The following WWOX variants were observed in gnomAD, a reference collection of about 807,000 sequenced individuals.
WWOX encodes WW domain-containing oxidoreductase.
WWOX carries 69 observed loss-of-function variants against 46.2 expected under a neutral mutation model. That is an observed-to-expected ratio of 1.49 (90% confidence interval 1.23 to 1.82). WWOX has a LOEUF of 1.82. Among genes scored for constraint, WWOX ranks in the 40% most tolerant of loss-of-function variants. The pLI is 0.00. For missense variants in WWOX, 919 were observed against 542.6 expected, an observed-to-expected ratio of 1.69 and a Z score of -6.89; for synonymous variants, 359 against 202.6, an observed-to-expected ratio of 1.77 and a Z score of -6.56.
At chr16:79,118,464 A>T (rs1299511293) in intron 8 of WWOX, among the ~76,000 whole-genome samples, 1 of 152,212 alleles carries the variant, frequency 6.6e-6, no homozygotes, top group Non-Finnish European at 1.5e-5. Context: ...AAAATGTGAT[A>T]CAGAGACATG....
rs1363101433 is a variant in WWOX, at chr16:78,983,678, G to A, written c.1057-227930G>A. Reference sequence around the variant, plus strand: ...TGGAATCGGCTGCAGGATGAAACTAGTCTTGATCCCTGAATGACTGCGTGG... The same window carrying A: ...TGGAATCGGCTGCAGGATGAAACTAATCTTGATCCCTGAATGACTGCGTGG... On this transcript the variant is annotated intron_variant, in intron 8 of 8. Coordinates refer to ENST00000566780, the MANE Select transcript of WWOX (RefSeq NM_016373.4). 3.3e-5 allele frequency among the ~76,000 whole-genome samples: 5 copies of A among 152,130 alleles called. No individual in the cohort carries two copies. In the East Asian group the frequency reaches 9.6e-4, roughly 29 times the overall value.
chr16:78,740,270 C>T (rs940926663), intron 8 of WWOX, among the ~76,000 whole-genome samples: 8 of 152,300 alleles, frequency 5.3e-5, no homozygotes, highest in South Asian at 2.1e-4. Context: ...GCGACTCAGA[C>T]GGCTGCCTGC....
At chr16:78,389,373 C>T (rs1031856463) in intron 6 of WWOX, among the ~76,000 whole-genome samples, 3 of 152,302 alleles carry the variant, frequency 2.0e-5, no homozygotes, top group Middle Eastern at 3.4e-3. Flanking sequence ...AGTGGTGGCC[C>T]TGGAAGCCAC....
intron 8 of WWOX, among the ~76,000 whole-genome samples, chr16:78,790,279 C>T (rs529396310): frequency 3.8e-4 from 58 of 152,102 alleles, no homozygotes; most frequent in African/African-American, 1.2e-3. Context: ...GGATTACAGG[C>T]GCACGCCAGC....
intron 8 of WWOX, among the ~76,000 whole-genome samples, chr16:79,060,084 C>G (rs946861133): frequency 6.6e-6 from 1 of 152,126 alleles, no homozygotes; most frequent in African/African-American, 2.4e-5. Context: ...TGGGTACAAA[C>G]CAGGTGTATA....
chr16:78,663,792 T>C (rs575778579), intron 8 of WWOX, among the ~76,000 whole-genome samples: 262 of 152,280 alleles, frequency 1.7e-3, no homozygotes, highest in Middle Eastern at 0.014. Context: ...AAGAGAGCCA[T>C]GCAAAGACCT....
chr16:79,043,399 A>G (rs1437425942), intron 8 of WWOX, among the ~76,000 whole-genome samples: 1 of 152,218 alleles, frequency 6.6e-6, no homozygotes, highest in African/African-American at 2.4e-5. Context: ...TTCTGAGGAT[A>G]AAATTAAGAC....
chr16:78,889,526 A>G (rs945549754), intron 8 of WWOX, among the ~76,000 whole-genome samples: 3 of 152,060 alleles, frequency 2.0e-5, no homozygotes, highest in Non-Finnish European at 1.5e-5. Flanking sequence ...TTTTAGTGCT[A>G]TACGACAGCC....
chr16:78,559,467 A>G (rs1206723504), intron 8 of WWOX, among the ~76,000 whole-genome samples: 1 of 150,620 alleles, frequency 6.6e-6, no homozygotes, highest in Non-Finnish European at 1.5e-5. Flanking sequence ...GATGTTCTCC[A>G]GCCAATGGAT....
chr16:78,357,766 G>C (rs1462973083), intron 5 of WWOX, among the ~76,000 whole-genome samples: 2 of 152,170 alleles, frequency 1.3e-5, no homozygotes, highest in Non-Finnish European at 2.9e-5. Flanking sequence ...ATAGCTTGCT[G>C]CACTCTTGCT....
At chr16:78,897,131 C>G (rs1169175907) in intron 8 of WWOX, 1 of 147,934 alleles carries the variant, frequency 6.8e-6, no homozygotes, top group African/African-American at 2.5e-5. Flanking sequence ...ATGCCTGTAA[C>G]CGTAGCTACT....
intron 8 of WWOX, among the ~76,000 whole-genome samples, chr16:78,666,907 T>G (rs2047344400): frequency 6.6e-6 from 1 of 152,176 alleles, no homozygotes; most frequent in African/African-American, 2.4e-5. Flanking sequence ...AGAAGGCAGC[T>G]TCTCCCAAGA....
intron 8 of WWOX, among the ~76,000 whole-genome samples, chr16:78,453,359 G>C (rs575902403): frequency 6.6e-6 from 1 of 151,914 alleles, no homozygotes; most frequent in African/African-American, 2.4e-5. Flanking sequence ...AGAGGTGGAG[G>C]TGGCAGTGAG....
chr16:78,419,093 CAGGATAAAAGT>C (rs1384322017), intron 6 of WWOX, among the ~76,000 whole-genome samples: 127 of 151,956 alleles, frequency 8.4e-4, no homozygotes, highest in African/African-American at 3.0e-3. Flanking sequence ...CAGGTTCAGC[CAGGATAAAAGT>C]AGGATAAAAG....
chr16:78,432,102 A>G (rs78998805), intron 7 of WWOX, among the ~76,000 whole-genome samples: 1,767 of 149,284 alleles, frequency 0.012, 30 homozygotes, highest in African/African-American at 0.041. Context: ...ACTCATCTCT[A>G]CATAGTTTCC....
chr16:78,453,657 C>T (rs928003852), intron 8 of WWOX, among the ~76,000 whole-genome samples: 12 of 151,738 alleles, frequency 7.9e-5, no homozygotes, highest in African/African-American at 2.9e-4. Flanking sequence ...TTTTTTTTTA[C>T]TCTGTTTATG....
intron 8 of WWOX, among the ~76,000 whole-genome samples, chr16:78,754,915 C>A (rs1009626335): frequency 6.6e-6 from 1 of 151,996 alleles, no homozygotes; most frequent in South Asian, 2.1e-4. Flanking sequence ...AGGGGTGGTA[C>A]TGCTGTCCCC....
chr16:78,755,328 C>G (rs376848523), intron 8 of WWOX, among the ~76,000 whole-genome samples: 1 of 151,926 alleles, frequency 6.6e-6, no homozygotes, highest in African/African-American at 2.4e-5. Context: ...TTGTACATTT[C>G]GAGAAGGCAA....
intron 8 of WWOX, among the ~76,000 whole-genome samples, chr16:78,463,381 G>C (rs1258929513): frequency 6.6e-6 from 1 of 152,158 alleles, no homozygotes; most frequent in Non-Finnish European, 1.5e-5. Flanking sequence ...GAAACCTAGG[G>C]TGTCCAACTG....
Sources: gnomAD v4.1 joint callset for allele counts (sites outside exome capture counted in the v4.1 genomes callset) on GRCh38, gnomAD v4.1.1 for gene constraint, MANE v1.5 for transcripts, NCBI Gene and HGNC (gene_info 2026-07-23, HGNC 2026-07-21) for gene names.